The following PPP2R2B variants were observed in gnomAD, a reference collection of about 807,000 sequenced individuals.
The protein encoded by PPP2R2B is serine/threonine-protein phosphatase 2A 55 kDa regulatory subunit B beta isoform.
In PPP2R2B, 5 loss-of-function variants were observed where a neutral mutation model predicts 46.0. The ratio of observed to expected loss-of-function variants is 0.11; its 90% CI spans 0.06 to 0.23. PPP2R2B has a LOEUF of 0.23. Ranked by LOEUF, PPP2R2B falls within the 10% of genes least tolerant of loss-of-function variation. The pLI is 1.00. For missense variants in PPP2R2B, 367 were observed against 575.0 expected (o/e 0.64, Z 3.70); for synonymous variants, 215 against 206.7 (o/e 1.04, Z -0.34).
In PPP2R2B at chr5:146,756,975, T is replaced by C. The variant is rs535385682; in HGVS notation, c.71-55833A>G. 3.3e-5 allele frequency among the ~76,000 whole-genome samples: 5 copies of C among 152,006 alleles called. No homozygotes were observed. In the East Asian group the frequency reaches 5.8e-4, roughly 18 times the overall value. ...GCAGACAAATTAAGATTAAGGAGGG[T>C]AGACAATGGAGAGTGGAGCTAGAGA... On this transcript the variant is annotated intron_variant, in intron 2 of 9. Coordinates refer to ENST00000394411, the MANE Select transcript of PPP2R2B (RefSeq NM_181675.4).
chr5:146,745,873 G>A (rs1397019516), intron 2 of PPP2R2B, among the ~76,000 whole-genome samples: 2 of 151,978 alleles, frequency 1.3e-5, no homozygotes. Flanking sequence ...CAGGAGAATT[G>A]CTTGAACCCA....
At chr5:146,820,951 C>T (rs1758220937) in intron 2 of PPP2R2B, among the ~76,000 whole-genome samples, 1 of 152,148 alleles carries the variant, frequency 6.6e-6, no homozygotes, top group South Asian at 2.1e-4. Context: ...CTCTGCACTG[C>T]GCTAGTCCTG....
At chr5:146,975,483 C>T (rs1174866402) in intron 1 of PPP2R2B, among the ~76,000 whole-genome samples, 1 of 152,042 alleles carries the variant, frequency 6.6e-6, no homozygotes, top group Non-Finnish European at 1.5e-5. Context: ...GCAAATATGT[C>T]TTTGAGATCT....
At chr5:146,956,752 G>A (rs1352598151) in intron 1 of PPP2R2B, among the ~76,000 whole-genome samples, 5 of 152,144 alleles carry the variant, frequency 3.3e-5, no homozygotes, top group Non-Finnish European at 2.9e-5. Context: ...AGTTCTGGAG[G>A]CTGGAAGTCC....
rs555228153 is a variant in PPP2R2B, at chr5:146,776,182, C to T, written c.71-75040G>A. ...ATGGAATTTCAGAGGACCAAGAATA[C>T]AAGAATAGTCAATTCATCTTGAAAA... On this transcript the variant is annotated intron_variant, in intron 2 of 9. Transcript: ENST00000394411. Among the ~76,000 whole-genome samples, 4 of 152,112 alleles carry T rather than the reference C, an allele frequency of 2.6e-5. No individual in the cohort carries two copies. The East Asian group carries it at 7.7e-4, about 29-fold the overall frequency.
intron 9 of PPP2R2B, among the ~76,000 whole-genome samples, chr5:146,590,997 A>G (rs1035188712): frequency 1.3e-5 from 2 of 152,148 alleles, no homozygotes; most frequent in Non-Finnish European, 2.9e-5. Context: ...ATCGATCAGG[A>G]GAGTGGCAAA....
intron 7 of PPP2R2B, among the ~76,000 whole-genome samples, chr5:146,621,399 C>T (rs994888091): frequency 1.3e-5 from 2 of 152,212 alleles, no homozygotes; most frequent in African/African-American, 4.8e-5. Flanking sequence ...AACTCTGGCT[C>T]TATGGCATCT....
chr5:147,029,697 G>A (rs1755688522), intron 1 of PPP2R2B, among the ~76,000 whole-genome samples: 2 of 152,124 alleles, frequency 1.3e-5, no homozygotes, highest in African/African-American at 2.4e-5. Flanking sequence ...TGATGCAATA[G>A]GACTGGTATA....
At chr5:147,054,535 TC>T in intron 1 of PPP2R2B, 1 of 443,984 alleles carries the variant, frequency 2.3e-6, no homozygotes, top group African/African-American at 2.0e-5. Flanking sequence ...CCACCCTCAG[TC>T]TCAATTCAAG....
chr5:146,590,683 C>T (rs1204099765), intron 9 of PPP2R2B, among the ~76,000 whole-genome samples: 2 of 152,052 alleles, frequency 1.3e-5, no homozygotes, highest in African/African-American at 4.8e-5. Flanking sequence ...GTTCCTGGGC[C>T]GTCTGGCCTC....
At position 146,629,305 on chromosome 5, in the gene PPP2R2B, G is replaced by A. The variant is rs192848349; in HGVS notation, c.790+8946C>T. ...TCTCCTCGTTTCAGTGTATGGTACC[G>A]TACAGTAACTCAAGCACCAAACCTA... On this transcript the variant is annotated intron_variant, in intron 7 of 9. Transcript: ENST00000394411. Among the ~76,000 whole-genome samples the A allele has an allele frequency of 2.1e-3, 312 of 152,142 alleles. 1 individual carries two copies. The highest frequency in any genetic ancestry group is 7.2e-3 in the African/African-American group (297 of 41,496).
chr5:146,770,695 T>C (rs755041521), intron 2 of PPP2R2B, among the ~76,000 whole-genome samples: 1 of 152,038 alleles, frequency 6.6e-6, no homozygotes, highest in Non-Finnish European at 1.5e-5. Flanking sequence ...GCTATGTGGG[T>C]TGGGAGGTAT....
At chr5:146,739,508 A>C (rs147511678) in intron 2 of PPP2R2B, among the ~76,000 whole-genome samples, 1 of 152,318 alleles carries the variant, frequency 6.6e-6, no homozygotes, top group East Asian at 1.9e-4. Context: ...GGGGACCAAC[A>C]GAGATTTCAA....
At chr5:146,629,668 A>C (rs1367421474) in intron 7 of PPP2R2B, among the ~76,000 whole-genome samples, 1 of 152,052 alleles carries the variant, frequency 6.6e-6, no homozygotes, top group African/African-American at 2.4e-5. Context: ...TCAATGATCT[A>C]GACCCAGCCT....
chr5:146,592,264 G>C (rs1379547048), intron 9 of PPP2R2B: 2 of 334,652 alleles, frequency 6.0e-6, no homozygotes, highest in Non-Finnish European at 1.2e-5. Flanking sequence ...GTGAGAGAGA[G>C]ACAGTTCATA....
intron 1 of PPP2R2B, chr5:146,917,724 A>AG (rs1380029957): frequency 6.6e-6 from 1 of 152,184 alleles, no homozygotes; most frequent in Non-Finnish European, 1.5e-5. Flanking sequence ...TCAATTCTTT[A>AG]GTTCAATCTT....
chr5:146,606,480 T>A (rs1772280052), intron 7 of PPP2R2B, among the ~76,000 whole-genome samples: 1 of 152,198 alleles, frequency 6.6e-6, no homozygotes, highest in Non-Finnish European at 1.5e-5. Flanking sequence ...CCTTCCAAGC[T>A]TCATTTAATG....
intron 2 of PPP2R2B, among the ~76,000 whole-genome samples, chr5:146,728,138 CTTTTT>C (rs757396751): frequency 6.1e-5 from 5 of 82,508 alleles, no homozygotes; most frequent in East Asian, 3.8e-4. Context: ...GAAACACTTA[CTTTTT>C]TTTTTTTTTT....
intron 1 of PPP2R2B, among the ~76,000 whole-genome samples, chr5:146,909,226 C>T (rs1763101503): frequency 6.6e-6 from 1 of 152,192 alleles, no homozygotes; most frequent in Non-Finnish European, 1.5e-5. Flanking sequence ...CTCATCCATC[C>T]TCCTAGACCA....
Sources: gnomAD v4.1 joint callset for allele counts (sites outside exome capture counted in the v4.1 genomes callset) on GRCh38, gnomAD v4.1.1 for gene constraint, MANE v1.5 for transcripts, NCBI Gene and HGNC (gene_info 2026-07-23, HGNC 2026-07-21) for gene names.